ANAPC1: variants seen among roughly 807,000 people sequenced by gnomAD.
The protein encoded by ANAPC1 is anaphase promoting complex subunit 1, also known as anaphase-promoting complex subunit 1.
ANAPC1 carries 36 observed loss-of-function variants against 208.0 expected under a neutral mutation model. That is an observed-to-expected ratio of 0.17 (90% CI 0.13 to 0.23). The LOEUF (loss-of-function observed/expected upper bound fraction) is 0.23, where lower values mean the gene tolerates loss of function less well. Ranked by LOEUF, ANAPC1 falls within the 10% of genes least tolerant of loss-of-function variation. ANAPC1 has a pLI of 1.00. For missense variants in ANAPC1, 942 were observed against 2,011.6 expected (o/e 0.47, Z 10.17); for synonymous variants, 378 against 695.2 (o/e 0.54, Z 7.18).
intron 22 of ANAPC1, among the ~76,000 whole-genome samples, chr2:111,825,474 A>C (rs941016155): frequency 1.4e-4 from 21 of 152,162 alleles, no homozygotes; most frequent in African/African-American, 5.1e-4. Flanking sequence ...GGCTGAAAAG[A>C]ATTTCATTGT....
chr2:111,808,437 T>C (rs1678805531), intron 29 of ANAPC1, among the ~76,000 whole-genome samples: 1 of 151,880 alleles, frequency 6.6e-6, no homozygotes, highest in South Asian at 2.1e-4. Context: ...CTAAAGTGAG[T>C]GTGTGGACCT....
intron 9 of ANAPC1, among the ~76,000 whole-genome samples, chr2:111,862,906 C>T (rs1307196113): frequency 6.6e-6 from 1 of 151,892 alleles, no homozygotes; most frequent in Non-Finnish European, 1.5e-5. Context: ...CCTGTATAGT[C>T]AGACATATAT....
intron 3 of ANAPC1, among the ~76,000 whole-genome samples, 178 bp downstream of exon 3, chr2:111,878,632 A>T (rs1683139163): frequency 6.6e-6 from 1 of 152,258 alleles, no homozygotes; most frequent in Admixed American, 6.5e-5. Flanking sequence ...ATATAAAAAT[A>T]AAATTAAATT....
intron 15 of ANAPC1, 62 bp from the exon 16 acceptor site, chr2:111,847,260 A>G: frequency 8.3e-7 from 1 of 1,204,116 alleles, no homozygotes. Context: ...TGAATGTCTT[A>G]AAAATAGCTG....
At chr2:111,871,182 T>C (rs1419803907) in intron 6 of ANAPC1, among the ~76,000 whole-genome samples, 1 of 152,194 alleles carries the variant, frequency 6.6e-6, no homozygotes, top group Non-Finnish European at 1.5e-5. Context: ...TGGTTCCACA[T>C]GAATTTTAGA....
intron 13 of ANAPC1, among the ~76,000 whole-genome samples, chr2:111,852,930 G>GT (rs1488204599): frequency 6.6e-6 from 1 of 152,026 alleles, no homozygotes; most frequent in African/African-American, 2.4e-5. Context: ...CATGGGTGCA[G>GT]TGAGCTGTGA....
intron 17 of ANAPC1, among the ~76,000 whole-genome samples, chr2:111,841,925 T>C (rs1194077926): frequency 6.6e-6 from 1 of 152,122 alleles, no homozygotes; most frequent in Non-Finnish European, 1.5e-5. Flanking sequence ...ACACCACAAA[T>C]AAACACTGTG....
At chr2:111,818,444 T>C (rs1028402301) in intron 27 of ANAPC1, among the ~76,000 whole-genome samples, 1 of 152,100 alleles carries the variant, frequency 6.6e-6, no homozygotes, top group Non-Finnish European at 1.5e-5. Context: ...TCTTTTTGCT[T>C]AGTACATTTC....
chr2:111,873,786 G>C (rs530939287), intron 3 of ANAPC1, 122 bp from the exon 4 acceptor site: 1 of 906,576 alleles, frequency 1.1e-6, no homozygotes, highest in African/African-American at 1.8e-5. Flanking sequence ...AGCTCAACAT[G>C]TACAATCATG....
rs369381543 is a variant in ANAPC1, at chr2:111,878,690, C to A, written c.375+120G>T. ...CACATTATATTATGTCATGTTACAA[C>A]GTACACCCAGCTGCTGAGATCATTA... On this transcript the variant is annotated intron_variant, in intron 3 of 47. Coordinates refer to ENST00000341068, the MANE Select transcript of ANAPC1 (RefSeq NM_022662.4). 2.5e-5 allele frequency: 32 copies of A among 1,304,778 alleles called. No homozygotes were observed. In the African/African-American group the frequency reaches 3.6e-4, roughly 15 times the overall value. The allele number at this position is 1,304,778 out of a possible 1,614,324, so 80.8% of individuals were successfully genotyped here. A position where few individuals can be genotyped will look rare whatever the true frequency, so the allele number is the denominator to read the frequency against.
At chr2:111,864,433 G>A (rs1211881177) in intron 8 of ANAPC1, among the ~76,000 whole-genome samples, 2 of 116,304 alleles carry the variant, frequency 1.7e-5, no homozygotes, top group African/African-American at 6.1e-5. Context: ...AGGGTATGAA[G>A]TATTAACTAC....
At chr2:111,853,459 T>C (rs902763418) in intron 13 of ANAPC1, among the ~76,000 whole-genome samples, 2 of 151,942 alleles carry the variant, frequency 1.3e-5, no homozygotes, top group Non-Finnish European at 2.9e-5. Flanking sequence ...CTGTTCAAGT[T>C]TGGCAATTCT....
At chr2:111,827,289 A>G (rs1679889836) in intron 21 of ANAPC1, among the ~76,000 whole-genome samples, 1 of 152,200 alleles carries the variant, frequency 6.6e-6, no homozygotes. Context: ...TATTCAACAT[A>G]TAACACAAAC....
rs1475027538 is a variant in ANAPC1 at position 111,850,819 on chromosome 2, C to T, written c.1607G>A (p.Ser536Asn). 6.8e-6 allele frequency: 11 copies of T among 1,611,938 alleles called. No homozygotes were observed. The highest frequency in any genetic ancestry group is 9.3e-6 in the Non-Finnish European group (11 of 1,179,860). ...PRPSTPLDGV[S>N]TPKPLSKLLG... ...GAGTTTACTAAGAGGCTTTGGAGTA[C>T]TAACGCCATCTAGTGGAGTACTGGG... is the stretch of plus-strand genomic sequence containing the variant. The change falls in exon 14 of 48, where the codon AGT (serine) becomes AAT (asparagine). Residue 536 changes from serine to asparagine, a missense_variant. Ser to Asn is a conservative substitution (Grantham distance 46). Coordinates refer to ENST00000341068, the MANE Select transcript of ANAPC1 (RefSeq NM_022662.4).
At chr2:111,882,370 C>G (rs537807958) in intron 1 of ANAPC1, among the ~76,000 whole-genome samples, 1 of 152,148 alleles carries the variant, frequency 6.6e-6, no homozygotes, top group Non-Finnish European at 1.5e-5. Flanking sequence ...GTTACACAAA[C>G]AGCCAAAGCC....
intron 34 of ANAPC1, among the ~76,000 whole-genome samples, chr2:111,799,305 T>C (rs1385184891): frequency 6.6e-6 from 1 of 152,072 alleles, no homozygotes; most frequent in Non-Finnish European, 1.5e-5. Flanking sequence ...CACCATTAAT[T>C]ATCGGTTAGA....
chr2:111,794,385 A>G, intron 35 of ANAPC1, 62 bp from the exon 36 acceptor site: 6 of 1,029,024 alleles, frequency 5.8e-6, no homozygotes, highest in Non-Finnish European at 8.7e-6. Context: ...ACTTGAAATA[A>G]GTAACAATAA....
chr2:111,873,415 A>T lies in ANAPC1; in HGVS notation c.428-7T>A. On this transcript the variant is annotated splice_region_variant and splice_polypyrimidine_tract_variant and intron_variant, in intron 4 of 47. Coordinates refer to ENST00000341068, the MANE Select transcript of ANAPC1 (RefSeq NM_022662.4). ...TTTTCTACTTCATTGCTACCTGAAAAGAAAGGGTACAACAAGACTTATGTG... is the reference window on the plus strand; with the variant it reads ...TTTTCTACTTCATTGCTACCTGAAATGAAAGGGTACAACAAGACTTATGTG... 2 of 1,600,810 alleles carry T rather than the reference A, an allele frequency of 1.2e-6. No homozygotes were observed. Among genetic ancestry groups the T allele is most frequent in the Non-Finnish European group, 1.7e-6 (2 of 1,175,662 alleles).
At position 111,809,151 on chromosome 2, in the gene ANAPC1, G is replaced by C; in HGVS notation, c.3628C>G (p.Leu1210Val). The change falls in exon 29 of 48, where the codon CTT becomes GTT. Residue 1210 changes from leucine to valine, a missense_variant. Coordinates refer to ENST00000341068, the MANE Select transcript of ANAPC1 (RefSeq NM_022662.4). ...CCTAGTTTTGCAGCAGAAACACCAA[G>C]TAGCAGTCCAATGCTTGTCATTTCA... ...GHEMTSIGLL[L>V]GVSAAKLGTM... 5 of 1,609,534 alleles carry C rather than the reference G, an allele frequency of 3.1e-6. No homozygotes were observed. Among genetic ancestry groups the C allele is most frequent in the South Asian group, 1.1e-5 (1 of 90,662 alleles).
Sources: gnomAD v4.1 joint callset for allele counts (sites outside exome capture counted in the v4.1 genomes callset) on GRCh38, gnomAD v4.1.1 for gene constraint, MANE v1.5 for transcripts, NCBI Gene and HGNC (gene_info 2026-07-23, HGNC 2026-07-21) for gene names.